The following IGSF9 variants were observed in gnomAD, a reference collection of about 807,000 sequenced individuals.
IGSF9 encodes the protein immunoglobulin superfamily member 9, also known as protein turtle homolog A.
IGSF9 carries 87 observed loss-of-function variants against 121.7 expected under a neutral mutation model. The ratio of observed to expected loss-of-function variants is 0.71; its 90% CI spans 0.60 to 0.85. IGSF9 has a LOEUF of 0.85. IGSF9 is among the 40% of genes least tolerant of loss of function. IGSF9 has a pLI of 0.00. For synonymous variants in IGSF9, 640 were observed against 648.4 expected (o/e 0.99, Z 0.20); for missense variants, 1,462 against 1,565.3 (o/e 0.93, Z 1.11).
chr1:159,928,217 G>T lies in IGSF9; in HGVS notation c.3171C>A (p.Ser1057Arg). The change falls in exon 19 of 21, where the codon AGC (serine) becomes AGA (arginine). Residue 1057 changes from serine (S) to arginine (R), a missense_variant. Physicochemically the swap from Ser to Arg is moderately radical, Grantham distance 110. Transcript: ENST00000368094. ...YLSPAPGDTS[S>R]WASGPERWPR... Reference sequence around the variant, plus strand: ...GCCATCTCTCAGGGCCACTGGCCCAGCTGCTGGTGTCTCCTGGAGCAGGGC... The same window carrying T: ...GCCATCTCTCAGGGCCACTGGCCCATCTGCTGGTGTCTCCTGGAGCAGGGC... 6.2e-7 allele frequency: 1 copy of T among 1,612,830 alleles called. No individual in the cohort carries two copies.
intron 6 of IGSF9, 109 bp downstream of exon 6, chr1:159,936,290 G>A (rs1487255026): frequency 1.0e-6 from 1 of 964,078 alleles, no homozygotes; most frequent in Non-Finnish European, 1.6e-6. Flanking sequence ...CACGGGCCCT[G>A]CCCTCAGGCA....
rs1230052919 is a variant in IGSF9, at chr1:159,931,994, C to G, written c.1246-66G>C. ...ATCTAAGGCTGGCTACTCCCTCTCTCTGTGCTCCCTGTCATGCCATGTCTC... is the reference window on the plus strand; with the variant it reads ...ATCTAAGGCTGGCTACTCCCTCTCTGTGTGCTCCCTGTCATGCCATGTCTC... On this transcript the variant is annotated intron_variant, in intron 10 of 20. Coordinates refer to ENST00000368094, the MANE Select transcript of IGSF9 (RefSeq NM_001135050.2). The surrounding 1 kb of genome is among the most constrained non-coding windows in gnomAD (Gnocchi z 4.8). The G allele has an allele frequency of 1.0e-6, 1 of 960,430 alleles. No homozygotes were observed. Among genetic ancestry groups the G allele is most frequent in the Non-Finnish European group, 1.6e-6 (1 of 625,840 alleles). The allele number at this position is 960,430 out of a possible 1,614,324, so 59.5% of individuals were successfully genotyped here.
chr1:159,927,180 GCACATACATTC>G lies in IGSF9; in HGVS notation c.*154_*164del, dbSNP rs1650765513. Reference sequence around the variant, plus strand: ...ATCCCCAGACTCACCTAGGGGGTCAGCACATACATTCCATACCAAGGTGACCCAAACCCACT... The same window carrying G: ...ATCCCCAGACTCACCTAGGGGGTCAGCATACCAAGGTGACCCAAACCCACT... On this transcript the variant is annotated 3_prime_UTR_variant, in exon 21 of 21. Transcript: ENST00000368094. 36 of 732,466 alleles carry G rather than the reference GCACATACATTC, an allele frequency of 4.9e-5. 1 individual carries two copies. In the South Asian group the frequency reaches 5.9e-4, roughly 12 times the overall value. The allele number at this position is 732,466 out of a possible 1,614,324, so 45.4% of individuals were successfully genotyped here.
At position 159,929,685 on chromosome 1, in the gene IGSF9, A is replaced by T; in HGVS notation, c.2279T>A (p.Leu760Gln). 6.3e-7 allele frequency: 1 copy of T among 1,597,444 alleles called. No individual in the cohort carries two copies. The highest frequency in any genetic ancestry group is 8.5e-7 in the Non-Finnish European group (1 of 1,173,562). Residue 760 changes from leucine (L) to glutamine (Q), a missense_variant, in exon 17 of 21, where the codon CTG becomes CAG. Coordinates refer to ENST00000368094, the MANE Select transcript of IGSF9 (RefSeq NM_001135050.2). ...VLVSILAGCLLNRRRAARRRR... is the reference protein window; with the variant it reads ...VLVSILAGCLQNRRRAARRRR... ...GCGGCGGGCAGCCCTGCGCCGGTTC[A>T]GGAGGCAGCCGGCCAGGATGCTCAC...
In IGSF9 at chr1:159,943,430, C is replaced by T. The variant is rs201134918; in HGVS notation, c.25G>A (p.Val9Ile). The T allele has an allele frequency of 5.0e-6, 8 of 1,587,864 alleles. No individual in the cohort carries two copies. The highest frequency in any genetic ancestry group is 2.3e-5 in the East Asian group (1 of 44,044). Residue 9 changes from valine to isoleucine, a missense_variant, in exon 2 of 21, where the codon GTC (valine) becomes ATC (isoleucine). Physicochemically the swap from Val to Ile is conservative, Grantham distance 29 (BLOSUM62 3). This residue lies in a region of IGSF9 where 558 missense variants were observed against 599.4 expected (regional missense o/e 0.93). Transcript: ENST00000368094. Reference sequence around the variant, plus strand: ...CCCTGGCTGATGACCAGGCTGAGGACGGCCAGGCCGAGGCACCACACCATA... The same window carrying T: ...CCCTGGCTGATGACCAGGCTGAGGATGGCCAGGCCGAGGCACCACACCATA... MVWCLGLAVLSLVISQGAD... is the reference protein window; with the variant it reads MVWCLGLAILSLVISQGAD...
chr1:159,932,684 AGG>A lies in IGSF9; in HGVS notation c.1105-34_1105-33del. 6.3e-7 allele frequency: 1 copy of A among 1,590,220 alleles called. No homozygotes were observed. The highest frequency in any genetic ancestry group is 1.1e-5 in the South Asian group (1 of 88,092). On this transcript the variant is annotated intron_variant, in intron 9 of 20. Coordinates refer to ENST00000368094, the MANE Select transcript of IGSF9 (RefSeq NM_001135050.2). The surrounding 1 kb of genome is among the most constrained non-coding windows in gnomAD (Gnocchi z 4.1). Reference sequence around the variant, plus strand: ...GGAAGAGAAGATGACAGCTAGAGAGAGGAGCTCAGCAGAGACAAGCCCGGGAT... The same window carrying A: ...GGAAGAGAAGATGACAGCTAGAGAGAAGCTCAGCAGAGACAAGCCCGGGAT...
At chr1:159,939,900 G>A (rs1242053550) in intron 3 of IGSF9, among the ~76,000 whole-genome samples, 1 of 152,110 alleles carries the variant, frequency 6.6e-6, no homozygotes, top group Non-Finnish European at 1.5e-5. Flanking sequence ...TCCACCCACT[G>A]TCAGGATTCC....
intron 3 of IGSF9, among the ~76,000 whole-genome samples, chr1:159,942,410 G>C (rs753656547): frequency 6.6e-6 from 1 of 152,144 alleles, no homozygotes; most frequent in Non-Finnish European, 1.5e-5. Flanking sequence ...TCTCTACTCA[G>C]AAGCAGACTG....
Position 159,929,770 on chromosome 1 carries a change from G to C in IGSF9, c.2194C>G (p.Pro732Ala), listed in dbSNP as rs746462421. 2 of 1,606,740 alleles carry C rather than the reference G, an allele frequency of 1.2e-6. No homozygotes were observed. Among genetic ancestry groups the C allele is most frequent in the Middle Eastern group, 3.3e-4 (2 of 6,052 alleles). ...ACCACGCCGGCCAGCACGGGCTGAG[G>C]CAGGAGGCCCGGCAGCTGCGTGCGC... ...PSRTQLPGLL[P>A]QPVLAGVVGG... Residue 732 changes from proline to alanine, a missense_variant, in exon 17 of 21, where the codon CCT (proline) becomes GCT (alanine). By Grantham distance (27) the Pro-to-Ala change is conservative. This residue lies in a region of IGSF9 where 808 missense variants were observed against 815.2 expected (regional missense o/e 0.99). Coordinates refer to ENST00000368094, the MANE Select transcript of IGSF9 (RefSeq NM_001135050.2).
In IGSF9 at chr1:159,928,685, T is replaced by C; in HGVS notation, c.2703A>G (p.Glu901=). ...PSGAPQPLCI[E]DISPVAPPPA... Reference sequence around the variant, plus strand: ...GAGGGGGTGCCACAGGGCTGATGTCTTCAATGCAGAGGGGCTGGGGTGCCC... The same window carrying C: ...GAGGGGGTGCCACAGGGCTGATGTCCTCAATGCAGAGGGGCTGGGGTGCCC... Residue 901 remains glutamate, a synonymous_variant, in exon 19 of 21, where the codon GAA becomes GAG. Coordinates refer to ENST00000368094, the MANE Select transcript of IGSF9 (RefSeq NM_001135050.2). The C allele has an allele frequency of 6.8e-7, 1 of 1,479,496 alleles. No individual in the cohort carries two copies. Among genetic ancestry groups the C allele is most frequent in the Non-Finnish European group, 9.0e-7 (1 of 1,113,424 alleles). 91.6% of individuals were successfully genotyped at this position (1,479,496 alleles called of 1,614,324 possible).
At chr1:159,930,974 A>G in intron 13 of IGSF9, 107 bp from the exon 14 acceptor site, 1 of 1,416,554 alleles carries the variant, frequency 7.1e-7, no homozygotes, top group Non-Finnish European at 9.6e-7. Context: ...CCAAGGTCTC[A>G]GGACCTTGGC....
At chr1:159,943,372 T>C in intron 2 of IGSF9, 25 bp downstream of exon 2, 2 of 1,548,106 alleles carry the variant, frequency 1.3e-6, no homozygotes, top group Non-Finnish European at 1.7e-6. Context: ...AACAGGGCAT[T>C]CTTGAGCCCA....
In IGSF9 at chr1:159,928,553, C is replaced by A; in HGVS notation, c.2835G>T (p.Glu945Asp). 1 of 1,544,898 alleles carries A rather than the reference C, an allele frequency of 6.5e-7. No individual in the cohort carries two copies. The highest frequency in any genetic ancestry group is 2.3e-5 in the East Asian group (1 of 43,776). ...CTGGGGGTGCAGCAGGGCTGGGCTC[C>A]TCAAGCGGGGGCCAGTCCCCATCCA... is the stretch of plus-strand genomic sequence containing the variant. ...MNVDGDWPPL[E>D]EPSPAAPPDY... is the part of the protein sequence containing the mutation. Residue 945 changes from glutamate to aspartate, a missense_variant, in exon 19 of 21, where the codon GAG becomes GAT. By Grantham distance (45) the Glu-to-Asp change is conservative. Coordinates refer to ENST00000368094, the MANE Select transcript of IGSF9 (RefSeq NM_001135050.2).
rs376264039 is a variant in IGSF9 at position 159,930,238 on chromosome 1, G to C, written c.2015C>G (p.Pro672Arg). 2.2e-5 allele frequency: 36 copies of C among 1,613,250 alleles called. No homozygotes were observed. The African/African-American group carries it at 4.4e-4, about 20-fold the overall frequency. Residue 672 changes from proline (P) to arginine (R), a missense_variant, in exon 15 of 21, where the codon CCG becomes CGG. By Grantham distance (103) the Pro-to-Arg change is moderately radical. Around this residue, in one of 3 missense-constraint regions of IGSF9, gnomAD observed 808 missense variants for 815.2 expected, o/e 0.99. Transcript: ENST00000368094. ...QGSQGWEVLD[P>R]AVAGTETELL... ...CTCTGTTTCTGTGCCTGCCACAGCC[G>C]GGTCCAGCACCTCCCAGCCCTGGGA...
Position 159,931,679 on chromosome 1 carries a change from G to T in IGSF9, c.1363-76C>A, listed in dbSNP as rs1168024929. On this transcript the variant is annotated intron_variant, in intron 11 of 20. Transcript: ENST00000368094. This position sits in a 1 kb window ranked among gnomAD's most constrained non-coding sequence, Gnocchi z 4.8. ...AAGGCGCCCCTCATCTCTCCAGGCA[G>T]CTCCAGTTCCTCCCCACCCTGCCTC... The T allele has an allele frequency of 5.1e-6, 8 of 1,555,670 alleles. No homozygotes were observed. The highest frequency in any genetic ancestry group is 6.1e-6 in the Non-Finnish European group (7 of 1,141,694).
In IGSF9 at chr1:159,930,068, G is replaced by C. The variant is rs1650934055; in HGVS notation, c.2065-93C>G. On this transcript the variant is annotated intron_variant, in intron 15 of 20. Coordinates refer to ENST00000368094, the MANE Select transcript of IGSF9 (RefSeq NM_001135050.2). ...AAAGACCGTGCACGTGGGACGGAAGGGTGAGGTAGGACGCAGAGGTGAAGA... is the reference window on the plus strand; with the variant it reads ...AAAGACCGTGCACGTGGGACGGAAGCGTGAGGTAGGACGCAGAGGTGAAGA... The C allele has an allele frequency of 3.9e-6, 6 of 1,550,800 alleles. No individual in the cohort carries two copies. In the East Asian group the frequency reaches 1.1e-4, roughly 29 times the overall value.
At chr1:159,944,007 A>G (rs1470223926) in intron 1 of IGSF9, among the ~76,000 whole-genome samples, 2 of 151,948 alleles carry the variant, frequency 1.3e-5, no homozygotes, top group Middle Eastern at 3.4e-3. Flanking sequence ...GTAGATCAAG[A>G]CTCTCATGGC....
At position 159,932,687 on chromosome 1, in the gene IGSF9, A is replaced by G. The variant is rs779868161; in HGVS notation, c.1105-35T>C. 8.2e-6 allele frequency: 13 copies of G among 1,583,300 alleles called. No homozygotes were observed. The South Asian group carries it at 1.5e-4, about 18-fold the overall frequency. On this transcript the variant is annotated intron_variant, in intron 9 of 20. Transcript: ENST00000368094. This position sits in a 1 kb window ranked among gnomAD's most constrained non-coding sequence, Gnocchi z 4.1. ...AGAGAAGATGACAGCTAGAGAGAGGAGCTCAGCAGAGACAAGCCCGGGATG... is the reference window on the plus strand; with the variant it reads ...AGAGAAGATGACAGCTAGAGAGAGGGGCTCAGCAGAGACAAGCCCGGGATG...
chr1:159,943,055 AGGG>A lies in IGSF9; in HGVS notation c.152_154del (p.Pro51del). The A allele has an allele frequency of 6.2e-7, 1 of 1,613,110 alleles. No individual in the cohort carries two copies. Among genetic ancestry groups the A allele is most frequent in the Non-Finnish European group, 8.5e-7 (1 of 1,179,584 alleles). On this transcript the variant is annotated inframe_deletion, in exon 3 of 21. Coordinates refer to ENST00000368094, the MANE Select transcript of IGSF9 (RefSeq NM_001135050.2). ...AAAGCGCAGCCACTCGATGACATGC[AGGG>A]GGGGCCGGCCGGCCGGGGGCAGCAG...
Sources: allele counts gnomAD v4.1 joint callset (sites outside exome capture counted in the v4.1 genomes callset), GRCh38; gene constraint gnomAD v4.1.1; regional missense constraint gnomAD v4.1.1; non-coding constraint Gnocchi (gnomAD v3.1); transcripts MANE v1.5; gene names NCBI Gene and HGNC (gene_info 2026-07-23, HGNC 2026-07-21).